KCNU1: variants seen among roughly 807,000 people sequenced by gnomAD.
KCNU1 encodes potassium channel subfamily U member 1.
In KCNU1, 93 loss-of-function variants were observed where a neutral mutation model predicts 126.8. The ratio of observed to expected loss-of-function variants is 0.73; its 90% CI spans 0.62 to 0.87. The LOEUF (loss-of-function observed/expected upper bound fraction) is 0.87, where lower values mean the gene tolerates loss of function less well. Ranked by LOEUF, KCNU1 falls within the 40% of genes least tolerant of loss-of-function variation. The pLI is 0.00. For missense variants in KCNU1, 1,330 were observed against 1,367.1 expected (o/e 0.97, Z 0.43); for synonymous variants, 523 against 494.2 (o/e 1.06, Z -0.77).
rs1206865797 is a variant in KCNU1 at position 36,787,380 on chromosome 8, T to C, written c.270T>C (p.His90=). The change falls in exon 2 of 27, where the codon CAT becomes CAC. Residue 90 remains histidine (H), a synonymous_variant. Transcript: ENST00000399881. The stretch of plus-strand genomic sequence containing the variant: ...ACTTCCAGGGACAATTTCGTGATCA[T>C]ATAGAAATGTTGCTTTCAGCCCAGA... ...SLHFQGQFRD[H]IEMLLSAQTF... 3.1e-6 allele frequency: 5 copies of C among 1,612,600 alleles called. No individual in the cohort carries two copies. Among genetic ancestry groups the C allele is most frequent in the Non-Finnish European group, 4.2e-6 (5 of 1,179,120 alleles).
At chr8:36,935,085 C>T (rs551867607) in intron 26 of KCNU1, among the ~76,000 whole-genome samples, 10 of 152,204 alleles carry the variant, frequency 6.6e-5, no homozygotes, top group South Asian at 2.1e-4. Context: ...AGCTTGGCTA[C>T]GTGGTCAATA....
At chr8:36,866,065 A>T (rs1339179762) in intron 19 of KCNU1, among the ~76,000 whole-genome samples, 1 of 152,062 alleles carries the variant, frequency 6.6e-6, no homozygotes, top group Non-Finnish European at 1.5e-5. Context: ...GGTACCAAGG[A>T]ATCACTTTGC....
chr8:36,857,875 A>C (rs1196298848), intron 18 of KCNU1, among the ~76,000 whole-genome samples: 1 of 151,696 alleles, frequency 6.6e-6, no homozygotes, highest in Admixed American at 6.6e-5. Context: ...TGAACTCCTG[A>C]CCTCAGGTGA....
chr8:36,913,599 CA>C (rs1239687326), intron 22 of KCNU1, among the ~76,000 whole-genome samples: 23 of 138,378 alleles, frequency 1.7e-4, no homozygotes, highest in African/African-American at 5.1e-4. Context: ...AGTGAGGTCA[CA>C]TTTTTTTTTT....
chr8:36,887,990 C>T (rs969161809), intron 19 of KCNU1, among the ~76,000 whole-genome samples: 9 of 152,240 alleles, frequency 5.9e-5, no homozygotes, highest in African/African-American at 1.9e-4. Context: ...ATCTCCTCTC[C>T]TGTCATGGCT....
Position 36,855,594 on chromosome 8 carries a change from C to A in KCNU1, c.1892-8810C>A, listed in dbSNP as rs562991923. ...TAGTGTAAATTAAAATAACACAAAT[C>A]TTATATCTCTTACTGCTATCTATTT... On this transcript the variant is annotated intron_variant, in intron 18 of 26. Transcript: ENST00000399881. 1.2e-4 allele frequency among the ~76,000 whole-genome samples: 19 copies of A among 152,214 alleles called. No individual in the cohort carries two copies. In the South Asian group the frequency reaches 3.9e-3, roughly 32 times the overall value.
At chr8:36,934,550 C>A (rs555757752) in intron 26 of KCNU1, among the ~76,000 whole-genome samples, 1 of 152,196 alleles carries the variant, frequency 6.6e-6, no homozygotes, top group South Asian at 2.1e-4. Context: ...TATATTAATA[C>A]TTGATCTCAG....
intron 14 of KCNU1, among the ~76,000 whole-genome samples, chr8:36,839,123 G>T (rs968945882): frequency 6.6e-6 from 1 of 152,124 alleles, no homozygotes; most frequent in Admixed American, 6.6e-5. Flanking sequence ...CAGATTAAAA[G>T]GCCTTGAGTC....
intron 19 of KCNU1, among the ~76,000 whole-genome samples, chr8:36,894,568 G>C (rs932283755): frequency 3.3e-5 from 5 of 151,986 alleles, no homozygotes. Flanking sequence ...GAGGAAAATA[G>C]TTGTGAGTGG....
chr8:36,891,786 T>C (rs530522276), intron 19 of KCNU1, among the ~76,000 whole-genome samples: 1 of 152,228 alleles, frequency 6.6e-6, no homozygotes, highest in South Asian at 2.1e-4. Flanking sequence ...GTTCTTCCAC[T>C]GCCTTCTGGC....
At chr8:36,897,233 A>G (rs1807228612) in intron 19 of KCNU1, among the ~76,000 whole-genome samples, 1 of 151,958 alleles carries the variant, frequency 6.6e-6, no homozygotes, top group Admixed American at 6.6e-5. Context: ...CATAAAATTT[A>G]TAGAATCATT....
chr8:36,799,247 G>T (rs1254732643), intron 2 of KCNU1, among the ~76,000 whole-genome samples: 1 of 152,122 alleles, frequency 6.6e-6, no homozygotes, highest in South Asian at 2.1e-4. Flanking sequence ...TCTTTAGTTT[G>T]CAGATAACCC....
chr8:36,857,719 C>T (rs1805578919), intron 18 of KCNU1, among the ~76,000 whole-genome samples: 1 of 152,000 alleles, frequency 6.6e-6, no homozygotes, highest in African/African-American at 2.4e-5. Flanking sequence ...GATCTTGGCT[C>T]ATTGCAAGCT....
intron 22 of KCNU1, among the ~76,000 whole-genome samples, chr8:36,915,443 C>T (rs2117554046): frequency 6.6e-6 from 1 of 152,332 alleles, no homozygotes; most frequent in Non-Finnish European, 1.5e-5. Context: ...ATGGGTAACT[C>T]ACAGAGTACA....
chr8:36,840,697 A>G, intron 15 of KCNU1, 122 bp downstream of exon 15: 1 of 707,450 alleles, frequency 1.4e-6, no homozygotes, highest in South Asian at 1.8e-5. Context: ...GGGACAGCCC[A>G]GGGTCCCTGA....
chr8:36,841,620 T>C (rs1196141444), intron 16 of KCNU1, among the ~76,000 whole-genome samples: 1 of 152,082 alleles, frequency 6.6e-6, no homozygotes, highest in Non-Finnish European at 1.5e-5. Context: ...TGCTTGAACC[T>C]GGGAGGCAGA....
chr8:36,911,425 C>T (rs558770819), intron 22 of KCNU1, among the ~76,000 whole-genome samples: 1 of 152,218 alleles, frequency 6.6e-6, no homozygotes, highest in East Asian at 1.9e-4. Flanking sequence ...GATCAGTGAA[C>T]ATAGCATGTG....
rs114473601 is a variant in KCNU1 at position 36,835,664 on chromosome 8, A to C, written c.1296-632A>C. On this transcript the variant is annotated intron_variant, in intron 12 of 26. Transcript: ENST00000399881. ...CTGACCATCGGCAAGTATTTTCAAG[A>C]TGGCTAGAGTCAGTGTTATTACATT... 2.0e-3 allele frequency among the ~76,000 whole-genome samples: 308 copies of C among 152,222 alleles called. 5 individuals are homozygous for C. The highest frequency in any genetic ancestry group is 7.0e-3 in the African/African-American group (292 of 41,548).
chr8:36,897,375 AT>A (rs1229253249), intron 19 of KCNU1, among the ~76,000 whole-genome samples: 2 of 151,982 alleles, frequency 1.3e-5, no homozygotes, highest in African/African-American at 4.8e-5. Context: ...AGTACAAAAC[AT>A]TTACAAGGAA....
Sources: allele counts gnomAD v4.1 joint callset (sites outside exome capture counted in the v4.1 genomes callset), GRCh38; gene constraint gnomAD v4.1.1; transcripts MANE v1.5; gene names NCBI Gene and HGNC (gene_info 2026-07-23, HGNC 2026-07-21).